The following SDK1 variants were observed in gnomAD, a reference collection of about 807,000 sequenced individuals.
SDK1 encodes sidekick cell adhesion molecule 1, also known as protein sidekick-1.
Under a neutral mutation model 245.5 loss-of-function variants are expected in SDK1, and 157 were observed. The ratio of observed to expected loss-of-function variants is 0.64; its 90% CI spans 0.56 to 0.73. The LOEUF (loss-of-function observed/expected upper bound fraction) is 0.73, where lower values mean the gene tolerates loss of function less well. SDK1 is among the 30% of genes least tolerant of loss of function. SDK1 has a pLI of 0.00. For missense variants in SDK1, 3,583 were observed against 3,002.3 expected (o/e 1.19, Z -4.52); for synonymous variants, 1,647 against 1,278.5 (o/e 1.29, Z -6.15).
intron 5 of SDK1, among the ~76,000 whole-genome samples, chr7:3,916,941 A>G (rs192243626): frequency 6.6e-6 from 1 of 152,354 alleles, no homozygotes; most frequent in African/African-American, 2.4e-5. Context: ...CTCATAGTAT[A>G]AAGTTGCTTA....
At chr7:3,751,987 G>T (rs1014102672) in intron 4 of SDK1, among the ~76,000 whole-genome samples, 2 of 152,248 alleles carry the variant, frequency 1.3e-5, no homozygotes, top group Admixed American at 1.3e-4. Context: ...GAGATAGGCA[G>T]AAGAGGAAAC....
chr7:3,540,281 C>T (rs1487827449), intron 1 of SDK1, among the ~76,000 whole-genome samples: 1 of 152,170 alleles, frequency 6.6e-6, no homozygotes, highest in Admixed American at 6.5e-5. Context: ...GTTGCAGTCG[C>T]CTGTAATCTC....
chr7:4,251,318 G>T (rs1338637248), intron 44 of SDK1, among the ~76,000 whole-genome samples: 1 of 152,160 alleles, frequency 6.6e-6, no homozygotes, highest in Non-Finnish European at 1.5e-5. Context: ...TACAGCAAAA[G>T]AATACAGAGC....
chr7:4,248,951 C>T (rs1418572801), intron 44 of SDK1, among the ~76,000 whole-genome samples: 1 of 147,944 alleles, frequency 6.8e-6, no homozygotes, highest in Non-Finnish European at 1.5e-5. Flanking sequence ...ACAACACATA[C>T]ATACCTAAAT....
chr7:4,012,651 G>T (rs969947252), intron 16 of SDK1, among the ~76,000 whole-genome samples: 12 of 130,716 alleles, frequency 9.2e-5, no homozygotes, highest in African/African-American at 3.4e-4. Context: ...TTGGCTCAAT[G>T]CAACTTCCGC....
intron 4 of SDK1, chr7:3,642,818 C>T (rs1321602024): frequency 6.6e-6 from 1 of 152,180 alleles, no homozygotes; most frequent in African/African-American, 2.4e-5. Flanking sequence ...ATATTCCAAA[C>T]ATAAAGGTTT....
At chr7:3,767,176 GC>G (rs1780278129) in intron 4 of SDK1, among the ~76,000 whole-genome samples, 1 of 152,134 alleles carries the variant, frequency 6.6e-6, no homozygotes, top group Non-Finnish European at 1.5e-5. Context: ...ACACTGGAGG[GC>G]TGACTCCTGG....
chr7:3,995,025 C>T (rs1784597141), intron 14 of SDK1, among the ~76,000 whole-genome samples: 1 of 152,166 alleles, frequency 6.6e-6, no homozygotes. Context: ...AGGTTGCCAG[C>T]CCTACTTCTT....
In SDK1 at chr7:3,967,344, C is replaced by G; in HGVS notation, c.1456C>G (p.Pro486Ala). 1 of 1,614,076 alleles carries G rather than the reference C, an allele frequency of 6.2e-7. No homozygotes were observed. Among genetic ancestry groups the G allele is most frequent in the Non-Finnish European group, 8.5e-7 (1 of 1,179,920 alleles). Reference protein sequence around the residue: ...TNIAPVFTQRPVDTTVTDGMT... With the variant: ...TNIAPVFTQRAVDTTVTDGMT... ...TATCGCTCCAGTGTTCACCCAGCGG[C>G]CAGTGGACACCACAGTTACTGACGG... is the stretch of plus-strand genomic sequence containing the variant. Residue 486 changes from proline to alanine, a missense_variant, in exon 10 of 45, where the codon CCA becomes GCA. Coordinates refer to ENST00000404826, the MANE Select transcript of SDK1 (RefSeq NM_152744.4).
chr7:3,516,026 T>C (rs1272310494), intron 1 of SDK1, among the ~76,000 whole-genome samples: 2 of 152,184 alleles, frequency 1.3e-5, no homozygotes, highest in South Asian at 2.1e-4. Flanking sequence ...AGATGAGAGC[T>C]AAAGTGTTAA....
chr7:3,482,587 TTGA>T (rs2030677940), intron 1 of SDK1, among the ~76,000 whole-genome samples: 1 of 152,216 alleles, frequency 6.6e-6, no homozygotes, highest in African/African-American at 2.4e-5. Flanking sequence ...TCTCTGAGAA[TTGA>T]TGACCACCAG....
chr7:3,641,808 G>A (rs1003996142), intron 3 of SDK1, 150 bp from the exon 4 acceptor site: 10 of 661,346 alleles, frequency 1.5e-5, no homozygotes, highest in Non-Finnish European at 2.5e-5. Flanking sequence ...ATCCGCGTTG[G>A]TCAGCGCTGC....
At chr7:4,150,328 G>C (rs531968618) in intron 30 of SDK1, among the ~76,000 whole-genome samples, 42 of 152,318 alleles carry the variant, frequency 2.8e-4, no homozygotes, top group Non-Finnish European at 5.9e-4. Flanking sequence ...TCCAGGCTGT[G>C]GAGCGGGGGT....
intron 1 of SDK1, among the ~76,000 whole-genome samples, chr7:3,612,693 T>C (rs554487566): frequency 6.6e-6 from 1 of 152,294 alleles, no homozygotes; most frequent in South Asian, 2.1e-4. Context: ...GGAAGATTAG[T>C]GGTTTAAACT....
chr7:3,472,140 A>C (rs764781837), intron 1 of SDK1, among the ~76,000 whole-genome samples: 1 of 152,118 alleles, frequency 6.6e-6, no homozygotes, highest in Admixed American at 6.6e-5. Flanking sequence ...TGGTAAATGC[A>C]TAGTTCCCTC....
At chr7:4,257,354 A>G (rs1787699377) in intron 44 of SDK1, among the ~76,000 whole-genome samples, 1 of 152,370 alleles carries the variant, frequency 6.6e-6, no homozygotes, top group South Asian at 2.1e-4. Flanking sequence ...CGGGAAACCG[A>G]CACACGTTGC....
chr7:4,099,004 G>C (rs58476772), intron 22 of SDK1, among the ~76,000 whole-genome samples: 1 of 151,824 alleles, frequency 6.6e-6, no homozygotes, highest in South Asian at 2.1e-4. Context: ...GTACACATGA[G>C]AGTCGTGAGA....
intron 38 of SDK1, 61 bp downstream of exon 38, chr7:4,210,223 T>G (rs1466667893): frequency 7.1e-7 from 1 of 1,403,564 alleles, no homozygotes; most frequent in Admixed American, 3.1e-5. Context: ...CCCTCTGCAG[T>G]CTACACAGTG....
At position 3,696,551 on chromosome 7, in the gene SDK1, A is replaced by G. The variant is rs563411486; in HGVS notation, c.713+54446A>G. On this transcript the variant is annotated intron_variant, in intron 4 of 44. Transcript: ENST00000404826. ...TGTAGTCCAACTTTCTCTTTCTCAC[A>G]GAGCTTACATTTCTCTGTGTTTGTG... Among the ~76,000 whole-genome samples, 5 of 141,704 alleles carry G rather than the reference A, an allele frequency of 3.5e-5. No individual in the cohort carries two copies. The South Asian group carries it at 7.0e-4, about 20-fold the overall frequency. The allele number at this position is 141,704 out of a possible 152,430, so 93.0% of individuals were successfully genotyped here. A position where few individuals can be genotyped will look rare whatever the true frequency, so the allele number is the denominator to read the frequency against.
Sources: gnomAD v4.1 joint callset for allele counts (sites outside exome capture counted in the v4.1 genomes callset) on GRCh38, gnomAD v4.1.1 for gene constraint, MANE v1.5 for transcripts, NCBI Gene and HGNC (gene_info 2026-07-23, HGNC 2026-07-21) for gene names.